Variants in ARHGAP24 observed in about 807,000 individuals in gnomAD.
ARHGAP24 encodes rho GTPase-activating protein 24.
Under a neutral mutation model 76.4 loss-of-function variants are expected in ARHGAP24, and 50 were observed. The ratio of observed to expected loss-of-function variants is 0.65; its 90% CI spans 0.52 to 0.83. The LOEUF is 0.83. ARHGAP24 is among the 40% of genes least tolerant of loss of function. The probability of loss-of-function intolerance (pLI) is 0.00; values close to 1 mark genes in which losing one functional copy is unlikely to be tolerated. For synonymous variants in ARHGAP24, 345 were observed against 323.3 expected, an observed-to-expected ratio of 1.07 and a Z score of -0.72; for missense variants, 930 against 914.2, an observed-to-expected ratio of 1.02 and a Z score of -0.22.
chr4:85,477,464 T>C (rs1034511012), intron 1 of ARHGAP24, among the ~76,000 whole-genome samples: 1 of 152,172 alleles, frequency 6.6e-6, no homozygotes, highest in African/African-American at 2.4e-5. Flanking sequence ...GACTAGAACA[T>C]AGATTTAAGT....
intron 2 of ARHGAP24, among the ~76,000 whole-genome samples, chr4:85,694,314 T>G (rs1271093499): frequency 6.6e-6 from 1 of 152,040 alleles, no homozygotes; most frequent in Non-Finnish European, 1.5e-5. Context: ...CAGGAGAAAC[T>G]TGTAAATCAG....
intron 1 of ARHGAP24, among the ~76,000 whole-genome samples, chr4:85,521,057 C>T (rs927120748): frequency 5.9e-5 from 9 of 152,034 alleles, no homozygotes; most frequent in African/African-American, 1.7e-4. Flanking sequence ...GGCAGTGACA[C>T]GGATCAGAGC....
intron 4 of ARHGAP24, among the ~76,000 whole-genome samples, chr4:85,925,828 T>C (rs1735991144): frequency 6.6e-6 from 1 of 152,124 alleles, no homozygotes; most frequent in Non-Finnish European, 1.5e-5. Flanking sequence ...TGCTAGCACC[T>C]CCAGGGTAAA....
rs1209863856 is a variant in ARHGAP24 at position 85,942,290 on chromosome 4, T to C, written c.599+17T>C. On this transcript the variant is annotated intron_variant, in intron 5 of 9. Coordinates refer to ENST00000395184, the MANE Select transcript of ARHGAP24 (RefSeq NM_001025616.3). Reference sequence around the variant, plus strand: ...ATTTGACAGGTAGATGTCACAATTTTACTAGCCATCTTCACTGAGAAATTC... The same window carrying C: ...ATTTGACAGGTAGATGTCACAATTTCACTAGCCATCTTCACTGAGAAATTC... 6 of 1,613,004 alleles carry C rather than the reference T, an allele frequency of 3.7e-6. No homozygotes were observed. The highest frequency in any genetic ancestry group is 1.3e-5 in the African/African-American group (1 of 74,872).
At chr4:85,592,066 C>G (rs1728135855) in intron 2 of ARHGAP24, among the ~76,000 whole-genome samples, 1 of 152,180 alleles carries the variant, frequency 6.6e-6, no homozygotes, top group Non-Finnish European at 1.5e-5. Flanking sequence ...TCAGATGTGA[C>G]TCCCACTGTT....
intron 3 of ARHGAP24, among the ~76,000 whole-genome samples, chr4:85,874,973 T>TTTTATATAATTTATATATAAATATATA (rs1732784441): frequency 8.5e-6 from 1 of 117,290 alleles, no homozygotes; most frequent in Non-Finnish European, 1.6e-5. Flanking sequence ...ATAAATATAT[T>TTTTATATAATTTATATATAAATATATA]TTTATATAAT....
At chr4:85,653,902 A>G (rs1722038274) in intron 2 of ARHGAP24, among the ~76,000 whole-genome samples, 1 of 152,122 alleles carries the variant, frequency 6.6e-6, no homozygotes, top group Non-Finnish European at 1.5e-5. Context: ...CCATCATGGA[A>G]GAATGTTCTA....
At chr4:85,512,134 A>C (rs759979252) in intron 1 of ARHGAP24, among the ~76,000 whole-genome samples, 13 of 152,240 alleles carry the variant, frequency 8.5e-5, no homozygotes, top group African/African-American at 1.2e-4. Context: ...TTTTGAGGGC[A>C]CACAATTCAA....
chr4:85,567,767 T>G (rs1228454648), intron 1 of ARHGAP24, among the ~76,000 whole-genome samples: 1 of 152,170 alleles, frequency 6.6e-6, no homozygotes, highest in Non-Finnish European at 1.5e-5. Flanking sequence ...AAAGATGAAG[T>G]GTAGAATTTT....
At chr4:85,608,594 T>C (rs1286477510) in intron 2 of ARHGAP24, among the ~76,000 whole-genome samples, 1 of 140,994 alleles carries the variant, frequency 7.1e-6, no homozygotes, top group Non-Finnish European at 1.5e-5. Flanking sequence ...AGACTTGCTC[T>C]GTCGCCAGGC....
At chr4:85,847,138 C>T (rs1194311828) in intron 3 of ARHGAP24, among the ~76,000 whole-genome samples, 2 of 152,112 alleles carry the variant, frequency 1.3e-5, no homozygotes, top group Non-Finnish European at 2.9e-5. Context: ...TATAATAATA[C>T]TTCAATATCT....
chr4:85,483,270 A>G (rs771977561), intron 1 of ARHGAP24, among the ~76,000 whole-genome samples: 4 of 152,184 alleles, frequency 2.6e-5, no homozygotes, highest in Non-Finnish European at 4.4e-5. Flanking sequence ...TATGACCAAC[A>G]TTTCTTTTTG....
chr4:85,788,454 A>G (rs985614151), intron 3 of ARHGAP24, among the ~76,000 whole-genome samples: 1 of 152,200 alleles, frequency 6.6e-6, no homozygotes, highest in Non-Finnish European at 1.5e-5. Flanking sequence ...AGTGTAAAGT[A>G]TACTTTATTT....
At chr4:85,749,870 A>G (rs574499912) in intron 3 of ARHGAP24, among the ~76,000 whole-genome samples, 1 of 152,212 alleles carries the variant, frequency 6.6e-6, no homozygotes, top group Admixed American at 6.5e-5. Flanking sequence ...CCTGGCCTCC[A>G]CAAATATAGT....
chr4:85,623,584 G>C (rs1288190750), intron 2 of ARHGAP24, among the ~76,000 whole-genome samples: 1 of 151,968 alleles, frequency 6.6e-6, no homozygotes, highest in Non-Finnish European at 1.5e-5. Flanking sequence ...GCTCTTTTTT[G>C]GTTCCATATG....
At chr4:85,867,831 A>G (rs559882559) in intron 3 of ARHGAP24, among the ~76,000 whole-genome samples, 50 of 148,158 alleles carry the variant, frequency 3.4e-4, no homozygotes, top group African/African-American at 1.2e-3. Flanking sequence ...GTGTATAATT[A>G]TATGGATAGC....
intron 1 of ARHGAP24, among the ~76,000 whole-genome samples, chr4:85,495,932 A>T (rs1578185486): frequency 1.3e-5 from 2 of 152,306 alleles, no homozygotes; most frequent in Admixed American, 1.3e-4. Context: ...ATTTTATAGA[A>T]TTTGTTTGTG....
At chr4:85,679,242 G>A (rs370055314) in intron 2 of ARHGAP24, among the ~76,000 whole-genome samples, 14 of 152,096 alleles carry the variant, frequency 9.2e-5, no homozygotes, top group African/African-American at 3.1e-4. Context: ...ATCTTTAAAG[G>A]TTCATACTCT....
chr4:85,932,973 G>A (rs368512417), intron 4 of ARHGAP24, among the ~76,000 whole-genome samples: 8 of 152,294 alleles, frequency 5.3e-5, no homozygotes, highest in African/African-American at 1.9e-4. Context: ...ATGACGCACA[G>A]GAGCTTTACA....
Sources: gnomAD v4.1 joint callset for allele counts (sites outside exome capture counted in the v4.1 genomes callset) on GRCh38, gnomAD v4.1.1 for gene constraint, MANE v1.5 for transcripts, NCBI Gene and HGNC (gene_info 2026-07-23, HGNC 2026-07-21) for gene names.